The following GNS variants were observed in gnomAD, a reference collection of about 807,000 sequenced individuals.
GNS encodes the protein glucosamine (N-acetyl)-6-sulfatase.
Under a neutral mutation model 69.7 loss-of-function variants are expected in GNS, and 40 were observed. The observed-to-expected ratio is 0.57, with a 90% CI of 0.45 to 0.75. The LOEUF is 0.75. GNS is among the 30% of genes least tolerant of loss of function. The pLI is 0.00. For synonymous variants in GNS, 243 were observed against 251.6 expected (o/e 0.97, Z 0.32); for missense variants, 565 against 685.5 (o/e 0.82, Z 1.96).
chr12:64,733,297 CAAAAAAAA>C (rs961321163), intron 9 of GNS, among the ~76,000 whole-genome samples: 4 of 26,640 alleles, frequency 1.5e-4, no homozygotes, highest in African/African-American at 2.2e-4. Flanking sequence ...GACCCTGTCT[CAAAAAAAA>C]AAAAAAAAAA....
At chr12:64,721,748 T>C (rs569095152) in intron 11 of GNS, 43 bp from the exon 12 acceptor site, 19 of 976,870 alleles carry the variant, frequency 1.9e-5, no homozygotes, top group South Asian at 6.4e-5. Context: ...AGTTCTTCCA[T>C]AGTAACAAAT....
intron 7 of GNS, among the ~76,000 whole-genome samples, chr12:64,740,210 G>C (rs1869689161): frequency 1.3e-5 from 2 of 152,196 alleles, no homozygotes; most frequent in African/African-American, 2.4e-5. Flanking sequence ...ATTGACTTAA[G>C]AGAATTTCTT....
intron 10 of GNS, 95 bp from the exon 11 acceptor site, chr12:64,723,208 A>C: frequency 2.6e-6 from 2 of 781,536 alleles, no homozygotes; most frequent in Non-Finnish European, 4.6e-6. Context: ...GGGAGTCAAA[A>C]GTAATTGGAC....
rs1329037857 is a variant in GNS at position 64,718,315 on chromosome 12, T to C, written c.1581-1496A>G. 5.3e-5 allele frequency among the ~76,000 whole-genome samples: 8 copies of C among 152,296 alleles called. No individual in the cohort carries two copies. The East Asian group carries it at 1.5e-3, about 29-fold the overall frequency. On this transcript the variant is annotated intron_variant, in intron 13 of 13. Transcript: ENST00000258145. ...AGAAAATCAGGTTAAGTTTAAGTAGTTCATGCTAACATCAGCAAAGCCAGC... is the reference window on the plus strand; with the variant it reads ...AGAAAATCAGGTTAAGTTTAAGTAGCTCATGCTAACATCAGCAAAGCCAGC...
At chr12:64,717,753 C>T (rs931009348) in intron 13 of GNS, among the ~76,000 whole-genome samples, 1 of 152,208 alleles carries the variant, frequency 6.6e-6, no homozygotes, top group South Asian at 2.1e-4. Flanking sequence ...GTTAGGGCCA[C>T]AGTGCATGAC....
intron 12 of GNS, 101 bp from the exon 13 acceptor site, chr12:64,720,283 AT>A: frequency 1.3e-6 from 1 of 783,242 alleles, no homozygotes; most frequent in Admixed American, 2.0e-5. Context: ...GAGGAGGTAG[AT>A]TAAAAAAAAA....
rs1592499117 is a variant in GNS, at chr12:64,734,088, T to G, written c.1098+2916A>C. On this transcript the variant is annotated intron_variant, in intron 9 of 13. Transcript: ENST00000258145. ...AGACAACTATGCTGCCAACACATGA[T>G]GCATCACCCATCGTCTCCGACATTC... Among the ~76,000 whole-genome samples, 6 of 152,314 alleles carry G rather than the reference T, an allele frequency of 3.9e-5. 2 individuals carry two copies. Among genetic ancestry groups the G allele is most frequent in the Admixed American group, 3.9e-4 (6 of 15,302 alleles).
rs1009013996 is a variant in GNS at position 64,748,024 on chromosome 12, T to C, written c.253-106A>G. The stretch of plus-strand genomic sequence containing the variant: ...AGCTCCTTAATACTCTAACTTCAAA[T>C]ATGTAGTTTCTCATGGAATATATAT... On this transcript the variant is annotated intron_variant, in intron 2 of 13. Coordinates refer to ENST00000258145, the MANE Select transcript of GNS (RefSeq NM_002076.4). 4.1e-5 allele frequency: 30 copies of C among 734,236 alleles called. No individual in the cohort carries two copies. The South Asian group carries it at 4.2e-4, about 10-fold the overall frequency. The allele number at this position is 734,236 out of a possible 1,614,324, so 45.5% of individuals were successfully genotyped here.
At chr12:64,738,030 G>A (rs1235088337) in intron 8 of GNS, among the ~76,000 whole-genome samples, 2 of 148,996 alleles carry the variant, frequency 1.3e-5, no homozygotes, top group African/African-American at 5.0e-5. Flanking sequence ...TTTTTTTTGA[G>A]ATGGAGTCTC....
intron 11 of GNS, among the ~76,000 whole-genome samples, chr12:64,721,937 C>G (rs1869042196): frequency 6.6e-6 from 1 of 152,166 alleles, no homozygotes; most frequent in Admixed American, 6.5e-5. Context: ...CCATCCTTGT[C>G]TGCTAAACTC....
chr12:64,727,777 A>G (rs770706471), intron 10 of GNS, among the ~76,000 whole-genome samples: 8 of 152,158 alleles, frequency 5.3e-5, no homozygotes, highest in Non-Finnish European at 7.4e-5. Context: ...TCAATTCTCT[A>G]CTAGATATCT....
intron 10 of GNS, among the ~76,000 whole-genome samples, chr12:64,726,717 A>G (rs1869212897): frequency 6.6e-6 from 1 of 152,034 alleles, no homozygotes. Flanking sequence ...GCTGGTCTTG[A>G]ACTCCTGGAC....
chr12:64,747,896 C>T lies in GNS; in HGVS notation c.275G>A (p.Cys92Tyr). The change falls in exon 3 of 14, where the codon TGC becomes TAC. Residue 92 changes from cysteine to tyrosine, a missense_variant. This residue lies in a region of GNS where 181 missense variants were observed against 174.4 expected (regional missense o/e 1.04). Coordinates refer to ENST00000258145, the MANE Select transcript of GNS (RefSeq NM_002076.4). ...TGTCAGGATACTGGCTCTGCTGGGGCAGCAGAGAGCACTTGGCACATACTA... is the reference window on the plus strand; with the variant it reads ...TGTCAGGATACTGGCTCTGCTGGGGTAGCAGAGAGCACTTGGCACATACTA... ...SSAYVPSALC[C>Y]PSRASILTGK... The T allele has an allele frequency of 6.2e-7, 1 of 1,604,900 alleles. No individual in the cohort carries two copies. The highest frequency in any genetic ancestry group is 8.5e-7 in the Non-Finnish European group (1 of 1,171,672).
intron 10 of GNS, among the ~76,000 whole-genome samples, chr12:64,727,607 A>C (rs1489293795): frequency 6.6e-6 from 1 of 152,220 alleles, no homozygotes; most frequent in Non-Finnish European, 1.5e-5. Flanking sequence ...GATCCTTGAA[A>C]ACACTATGCT....
At chr12:64,718,098 T>C (rs1868922425) in intron 13 of GNS, among the ~76,000 whole-genome samples, 1 of 152,194 alleles carries the variant, frequency 6.6e-6, no homozygotes, top group Non-Finnish European at 1.5e-5. Context: ...CAGGTGGGGC[T>C]AGATTGGGCT....
chr12:64,735,357 A>G (rs1307852220), intron 9 of GNS, among the ~76,000 whole-genome samples: 2 of 152,222 alleles, frequency 1.3e-5, no homozygotes, highest in African/African-American at 4.8e-5. Context: ...TCTGCAAAAT[A>G]GGGATAACAG....
intron 9 of GNS, among the ~76,000 whole-genome samples, chr12:64,735,182 T>G (rs1182175380): frequency 6.6e-6 from 1 of 152,228 alleles, no homozygotes; most frequent in Non-Finnish European, 1.5e-5. Flanking sequence ...CTCCTTGGTG[T>G]ACCGTGCTGG....
At chr12:64,722,861 C>T in intron 11 of GNS, 145 bp downstream of exon 11, 1 of 669,088 alleles carries the variant, frequency 1.5e-6, no homozygotes, top group Non-Finnish European at 2.8e-6. Context: ...ACTGGATTTA[C>T]CTTTGTCCAT....
intron 2 of GNS, 86 bp from the exon 3 acceptor site, chr12:64,748,004 C>G: frequency 1.3e-6 from 1 of 784,916 alleles, no homozygotes; most frequent in Non-Finnish European, 2.3e-6. Context: ...AGAAAAGCTC[C>G]TTAATACTCT....
Sources: gnomAD v4.1 joint callset for allele counts (sites outside exome capture counted in the v4.1 genomes callset) on GRCh38, gnomAD v4.1.1 for gene constraint, gnomAD v4.1.1 regional missense constraint, MANE v1.5 for transcripts, NCBI Gene and HGNC (gene_info 2026-07-23, HGNC 2026-07-21) for gene names.